MCOLN2: variants seen among roughly 807,000 people sequenced by gnomAD.
MCOLN2 encodes the protein mucolipin TRP cation channel 2.
MCOLN2 carries 57 observed loss-of-function variants against 67.5 expected under a neutral mutation model. The ratio of observed to expected loss-of-function variants is 0.84; its 90% confidence interval spans 0.68 to 1.05. The LOEUF is 1.05. Ranked by LOEUF, MCOLN2 falls within the 50% of genes least tolerant of loss-of-function variation. The pLI is 0.00. For missense variants in MCOLN2, 620 were observed against 678.8 expected (o/e 0.91, Z 0.96); for synonymous variants, 246 against 233.3 (o/e 1.05, Z -0.50).
intron 1 of MCOLN2, among the ~76,000 whole-genome samples, chr1:84,981,337 C>T (rs555436775): frequency 7.2e-5 from 11 of 152,192 alleles, no homozygotes; most frequent in South Asian, 2.1e-4. Flanking sequence ...TCAGTAATAT[C>T]GAAGAGATAT....
At position 84,997,027 on chromosome 1, in the gene MCOLN2, G is replaced by C; in HGVS notation, c.-155C>G. On this transcript the variant is annotated 5_prime_UTR_variant, in exon 1 of 14. Transcript: ENST00000370608. ...TCTTACCCTTTCTGCCGGCCGCGTG[G>C]TGCGCGCAGACCCCGGCCCGAGAGC... The C allele has an allele frequency of 3.0e-6, 2 of 661,384 alleles. No individual in the cohort carries two copies. Among genetic ancestry groups the C allele is most frequent in the Non-Finnish European group, 5.2e-6 (2 of 385,222 alleles). 41.0% of individuals were successfully genotyped at this position (661,384 alleles called of 1,614,324 possible). A position where few individuals can be genotyped will look rare whatever the true frequency, so the allele number is the denominator to read the frequency against.
chr1:84,955,641 C>G (rs1648742076), intron 4 of MCOLN2, among the ~76,000 whole-genome samples: 1 of 152,166 alleles, frequency 6.6e-6, no homozygotes. Context: ...TGATTTACCA[C>G]TGCGGTTTCT....
rs532213146 is a variant in MCOLN2, at chr1:84,956,484, C to T, written c.512G>A (p.Gly171Glu). ...TGTCTCATTAGAAGGAAACATGGTCCCTTTCTTGTAATGCTGCTTACAGAC... is the reference window on the plus strand; with the variant it reads ...TGTCTCATTAGAAGGAAACATGGTCTCTTTCTTGTAATGCTGCTTACAGAC... The part of the protein sequence containing the change: ...LKVCKQHYKK[G>E]TMFPSNETLN... The change falls in exon 4 of 14, where the codon GGG (glycine) becomes GAG (glutamate). Residue 171 changes from glycine to glutamate, a missense_variant. Transcript: ENST00000370608. The T allele has an allele frequency of 3.2e-5, 51 of 1,611,124 alleles. No homozygotes were observed. The highest frequency in any genetic ancestry group is 1.6e-4 in the Middle Eastern group (1 of 6,076).
At position 84,926,135 on chromosome 1, in the gene MCOLN2, C is replaced by T. The variant is rs1468772981; in HGVS notation, c.*550G>A. ...AAGCTCCTGAGCTCAGTCTGCCTGC[C>T]TAGGCCTCCCAAAGTGCTGGGATTA... is the stretch of plus-strand genomic sequence containing the variant. On this transcript the variant is annotated 3_prime_UTR_variant, in exon 14 of 14. Transcript: ENST00000370608. The T allele has an allele frequency of 6.6e-6, 1 of 152,466 alleles. No individual in the cohort carries two copies. The highest frequency in any genetic ancestry group is 1.5e-5 in the Non-Finnish European group (1 of 68,332). 9.4% of individuals were successfully genotyped at this position (152,466 alleles called of 1,614,324 possible).
At chr1:84,992,282 T>G (rs1650929562) in intron 1 of MCOLN2, among the ~76,000 whole-genome samples, 1 of 152,160 alleles carries the variant, frequency 6.6e-6, no homozygotes, top group South Asian at 2.1e-4. Context: ...TACAGAGATG[T>G]ATTCAAGGGG....
chr1:84,979,714 TATC>T (rs1267897013), intron 1 of MCOLN2, among the ~76,000 whole-genome samples: 1 of 152,158 alleles, frequency 6.6e-6, no homozygotes, highest in Non-Finnish European at 1.5e-5. Flanking sequence ...CCACAGCTAG[TATC>T]ATACTGAATG....
At chr1:84,986,261 C>A (rs778166419) in intron 1 of MCOLN2, among the ~76,000 whole-genome samples, 1 of 152,144 alleles carries the variant, frequency 6.6e-6, no homozygotes, top group Non-Finnish European at 1.5e-5. Context: ...TAAAACTGGG[C>A]CGGGCGTGGT....
In MCOLN2 at chr1:84,987,670, G is replaced by GTATATAGA. The variant is rs1382008648; in HGVS notation, c.77+9118_77+9125dup. On this transcript the variant is annotated intron_variant, in intron 1 of 13. Coordinates refer to ENST00000370608, the MANE Select transcript of MCOLN2 (RefSeq NM_153259.4). ...AATATATACATACATATGTATATAT[G>GTATATAGA]TATATAGATATATAGATGTATAGAT... Among the ~76,000 whole-genome samples the GTATATAGA allele has an allele frequency of 3.9e-3, 472 of 119,604 alleles. 1 individual carries two copies. Among genetic ancestry groups the GTATATAGA allele is most frequent in the African/African-American group, 0.013 (452 of 33,714 alleles). 78.5% of individuals were successfully genotyped at this position (119,604 alleles called of 152,430 possible).
At chr1:84,937,669 A>G in intron 11 of MCOLN2, 86 bp downstream of exon 11, 1 of 1,564,200 alleles carries the variant, frequency 6.4e-7, no homozygotes, top group South Asian at 1.2e-5. Context: ...ATGCTAGAGA[A>G]GACCAGGAAG....
At chr1:84,957,946 T>C (rs1648879860) in intron 3 of MCOLN2, among the ~76,000 whole-genome samples, 1 of 152,264 alleles carries the variant, frequency 6.6e-6, no homozygotes, top group African/African-American at 2.4e-5. Context: ...TCCTAAATTA[T>C]TTCTTCAAGT....
chr1:84,927,689 G>C (rs929024287), intron 13 of MCOLN2, among the ~76,000 whole-genome samples: 2 of 152,208 alleles, frequency 1.3e-5, no homozygotes, highest in South Asian at 4.1e-4. Context: ...CAGACAGGGG[G>C]CACAAAAACC....
At chr1:84,952,004 T>A (rs1206451707) in intron 6 of MCOLN2, among the ~76,000 whole-genome samples, 1 of 152,156 alleles carries the variant, frequency 6.6e-6, no homozygotes, top group Non-Finnish European at 1.5e-5. Context: ...TGAGAATCGT[T>A]TGAATCTGGG....
chr1:84,976,377 G>A (rs1311285197), intron 1 of MCOLN2, among the ~76,000 whole-genome samples: 1 of 152,190 alleles, frequency 6.6e-6, no homozygotes, highest in African/African-American at 2.4e-5. Flanking sequence ...AAGAGTGAGG[G>A]GCATGACATA....
chr1:84,985,908 C>T (rs912477274), intron 1 of MCOLN2, among the ~76,000 whole-genome samples: 1 of 152,132 alleles, frequency 6.6e-6, no homozygotes, highest in African/African-American at 2.4e-5. Flanking sequence ...CATCAAAATA[C>T]CACCACCATT....
chr1:84,956,301 G>C, intron 4 of MCOLN2, 130 bp downstream of exon 4: 1 of 806,750 alleles, frequency 1.2e-6, no homozygotes, highest in Non-Finnish European at 2.0e-6. Context: ...GCCAGTGTTG[G>C]AGTGTCAGCC....
At chr1:84,933,189 T>C (rs1260480985) in intron 11 of MCOLN2, among the ~76,000 whole-genome samples, 2 of 152,212 alleles carry the variant, frequency 1.3e-5, no homozygotes, top group Non-Finnish European at 2.9e-5. Context: ...GCCCTGGTAG[T>C]TCTAGTCCTT....
In MCOLN2 at chr1:84,931,245, C is replaced by T. The variant is rs1570942554; in HGVS notation, c.1542+117G>A. On this transcript the variant is annotated intron_variant, in intron 12 of 13. Coordinates refer to ENST00000370608, the MANE Select transcript of MCOLN2 (RefSeq NM_153259.4). The stretch of plus-strand genomic sequence containing the variant: ...CATCTCCAGCGTCTAAAAAGTTTGT[C>T]CACAAAACCTCAAAATCTGAACTGT... 5.6e-6 allele frequency: 4 copies of T among 710,894 alleles called. No homozygotes were observed. The East Asian group carries it at 1.1e-4, about 19-fold the overall frequency. The allele number at this position is 710,894 out of a possible 1,614,324, so 44.0% of individuals were successfully genotyped here.
At chr1:84,960,587 C>G (rs1649035140) in intron 2 of MCOLN2, among the ~76,000 whole-genome samples, 1 of 152,162 alleles carries the variant, frequency 6.6e-6, no homozygotes. Context: ...AGGAAAACAT[C>G]AGATAAGAAG....
chr1:84,947,887 T>G (rs1217569626), intron 6 of MCOLN2, among the ~76,000 whole-genome samples: 4 of 152,242 alleles, frequency 2.6e-5, no homozygotes, highest in African/African-American at 9.6e-5. Flanking sequence ...AGCCTAGACC[T>G]GATGGAACAT....
Sources: allele counts gnomAD v4.1 joint callset (sites outside exome capture counted in the v4.1 genomes callset), GRCh38; gene constraint gnomAD v4.1.1; transcripts MANE v1.5; gene names NCBI Gene and HGNC (gene_info 2026-07-23, HGNC 2026-07-21).